Variants in EPC2 observed in about 807,000 individuals in gnomAD.
The protein encoded by EPC2 is enhancer of polycomb 2.
In EPC2, 14 loss-of-function variants were observed where a neutral mutation model predicts 92.1. The observed-to-expected ratio is 0.15, with a 90% CI of 0.10 to 0.24. EPC2 has a LOEUF of 0.24. Among genes scored for constraint, EPC2 ranks in the 10% least tolerant of loss-of-function variants. The pLI is 1.00. For missense variants in EPC2, 755 were observed against 971.5 expected, an observed-to-expected ratio of 0.78 and a Z score of 2.96; for synonymous variants, 340 against 334.7, an observed-to-expected ratio of 1.02 and a Z score of -0.17.
At chr2:148,665,688 T>A (rs1348576560) in intron 1 of EPC2, among the ~76,000 whole-genome samples, 6 of 152,192 alleles carry the variant, frequency 3.9e-5, no homozygotes, top group Admixed American at 3.9e-4. Flanking sequence ...ACTTTTATAT[T>A]TCTGTTTAGG....
chr2:148,769,220 G>A lies in EPC2; in HGVS notation c.1210G>A (p.Ala404Thr). ...TGGTCCCTGTGCTTTCAGAAGGCGG[G>A]CAGGATGCCAGTATTATGCTGTAAG... ...PDGPCAFRRR[A>T]GCQYYAPRLD... is the part of the protein sequence containing the mutation. The change falls in exon 8 of 14, where the codon GCA (alanine) becomes ACA (threonine). Residue 404 changes from alanine to threonine, a missense_variant. By Grantham distance (58) the Ala-to-Thr change is moderately conservative. Around this residue, in one of 4 missense-constraint regions of EPC2, gnomAD observed 509 missense variants for 607.7 expected, o/e 0.84. Transcript: ENST00000258484. The A allele has an allele frequency of 1.2e-6, 2 of 1,611,190 alleles. No individual in the cohort carries two copies. The highest frequency in any genetic ancestry group is 1.1e-5 in the South Asian group (1 of 90,200).
At position 148,765,040 on chromosome 2, in the gene EPC2, C is replaced by T. The variant is rs1343420544; in HGVS notation, c.1034C>T (p.Ala345Val). 1 of 1,609,424 alleles carries T rather than the reference C, an allele frequency of 6.2e-7. No individual in the cohort carries two copies. Reference protein sequence around the residue: ...KKYPKKPKAEALITSQQPTPE... With the variant: ...KKYPKKPKAEVLITSQQPTPE... ...TACCCAAAGAAGCCTAAAGCAGAGG[C>T]TTTGATAACATCTCAGCAACCCACT... is the stretch of plus-strand genomic sequence containing the variant. Residue 345 changes from alanine to valine, a missense_variant, in exon 7 of 14, where the codon GCT becomes GTT. Coordinates refer to ENST00000258484, the MANE Select transcript of EPC2 (RefSeq NM_015630.4).
intron 2 of EPC2, among the ~76,000 whole-genome samples, chr2:148,737,219 T>A (rs982658709): frequency 1.3e-5 from 2 of 152,278 alleles, no homozygotes; most frequent in Non-Finnish European, 2.9e-5. Flanking sequence ...AAAGGCACTT[T>A]CAGTAGAACC....
chr2:148,728,836 T>C (rs1682556375), intron 2 of EPC2, among the ~76,000 whole-genome samples: 1 of 150,936 alleles, frequency 6.6e-6, no homozygotes, highest in South Asian at 2.1e-4. Flanking sequence ...ATCGAGACCA[T>C]CCTGGCTAAC....
chr2:148,711,795 T>G (rs1051556147), intron 2 of EPC2, among the ~76,000 whole-genome samples: 4 of 152,226 alleles, frequency 2.6e-5, no homozygotes, highest in Non-Finnish European at 5.9e-5. Flanking sequence ...TAGGGATTGT[T>G]ATATCTTCTT....
At chr2:148,745,915 T>C (rs1682977301) in intron 3 of EPC2, among the ~76,000 whole-genome samples, 2 of 152,074 alleles carry the variant, frequency 1.3e-5, no homozygotes, top group African/African-American at 2.4e-5. Flanking sequence ...GAAGTCATGA[T>C]TGAAAACTCC....
At chr2:148,725,484 T>A (rs1682475582) in intron 2 of EPC2, among the ~76,000 whole-genome samples, 1 of 152,150 alleles carries the variant, frequency 6.6e-6, no homozygotes, top group East Asian at 1.9e-4. Flanking sequence ...TATGGTTTTT[T>A]AAAACACAGA....
At chr2:148,672,751 AG>A (rs1278097502) in intron 1 of EPC2, among the ~76,000 whole-genome samples, 1 of 152,146 alleles carries the variant, frequency 6.6e-6, no homozygotes, top group Non-Finnish European at 1.5e-5. Flanking sequence ...ACAGTAGTAT[AG>A]GTTCTCTATT....
chr2:148,693,264 G>GA (rs1185057169), intron 2 of EPC2, among the ~76,000 whole-genome samples: 11 of 151,906 alleles, frequency 7.2e-5, no homozygotes, highest in Admixed American at 6.6e-4. Flanking sequence ...CACTTGGCTA[G>GA]AAAAAAAACA....
intron 1 of EPC2, among the ~76,000 whole-genome samples, chr2:148,671,284 G>GTGT (rs1681147356): frequency 1.5e-5 from 2 of 135,718 alleles, no homozygotes. Context: ...ATTGTGGATT[G>GTGT]TGATTTTTTT....
intron 1 of EPC2, 150 bp downstream of exon 1, chr2:148,645,320 A>T (rs1574556347): frequency 1.5e-6 from 1 of 687,514 alleles, no homozygotes; most frequent in East Asian, 3.2e-5. Context: ...GAGTAGCGTA[A>T]ACCCTCTCGG....
chr2:148,749,599 A>C (rs767121333), intron 3 of EPC2, among the ~76,000 whole-genome samples: 7 of 151,992 alleles, frequency 4.6e-5, no homozygotes, highest in Non-Finnish European at 1.0e-4. Context: ...TCTCACGTGC[A>C]CTAGGAACAA....
At chr2:148,723,250 G>T (rs1447098441) in intron 2 of EPC2, among the ~76,000 whole-genome samples, 1 of 152,136 alleles carries the variant, frequency 6.6e-6, no homozygotes, top group Non-Finnish European at 1.5e-5. Flanking sequence ...AAAACAGAAT[G>T]CTCTGGCACA....
intron 4 of EPC2, among the ~76,000 whole-genome samples, chr2:148,760,696 G>A (rs541285225): frequency 3.2e-4 from 49 of 152,212 alleles, no homozygotes; most frequent in South Asian, 1.2e-3. Flanking sequence ...TTTAATATTC[G>A]ATGTGGAATA....
At chr2:148,784,606 C>A in intron 12 of EPC2, 62 bp from the exon 13 acceptor site, 2 of 1,204,478 alleles carry the variant, frequency 1.7e-6, no homozygotes, top group Admixed American at 2.4e-5. Context: ...TTTTATTAAG[C>A]TTCTAAAAAT....
Position 148,691,357 on chromosome 2 carries a change from C to T in EPC2, c.313+984C>T, listed in dbSNP as rs536291089. On this transcript the variant is annotated intron_variant, in intron 2 of 13. Coordinates refer to ENST00000258484, the MANE Select transcript of EPC2 (RefSeq NM_015630.4). ...AATAGAGATCCCAAGGCTCAACATC[C>T]GGCCTAGCTGAAGTATCCACCTGTC... 1.1e-3 allele frequency among the ~76,000 whole-genome samples: 166 copies of T among 152,254 alleles called. 1 individual carries two copies. Among genetic ancestry groups the T allele is most frequent in the African/African-American group, 3.8e-3 (156 of 41,540 alleles).
intron 2 of EPC2, among the ~76,000 whole-genome samples, chr2:148,700,402 G>A (rs1372441343): frequency 6.6e-6 from 1 of 151,968 alleles, no homozygotes; most frequent in East Asian, 1.9e-4. Context: ...TTTTTGTGAA[G>A]GGTATAAGTT....
At chr2:148,649,194 A>C in intron 1 of EPC2, among the ~76,000 whole-genome samples, 1 of 152,242 alleles carries the variant, frequency 6.6e-6, no homozygotes, top group East Asian at 1.9e-4. Context: ...TTTTTTAAAT[A>C]AACTTTTTTT....
At chr2:148,686,023 T>C (rs922093427) in intron 1 of EPC2, among the ~76,000 whole-genome samples, 1 of 152,206 alleles carries the variant, frequency 6.6e-6, no homozygotes, top group African/African-American at 2.4e-5. Context: ...AAGTTTCTTA[T>C]AATAAGACAA....
Sources: allele counts gnomAD v4.1 joint callset (sites outside exome capture counted in the v4.1 genomes callset), GRCh38; gene constraint gnomAD v4.1.1; regional missense constraint gnomAD v4.1.1; transcripts MANE v1.5; gene names NCBI Gene and HGNC (gene_info 2026-07-23, HGNC 2026-07-21).